CNTN5: variants seen among roughly 807,000 people sequenced by gnomAD.
CNTN5 encodes contactin-5.
Under a neutral mutation model 129.1 loss-of-function variants are expected in CNTN5, and 77 were observed. That is an observed-to-expected ratio of 0.60 (90% CI 0.50 to 0.72). CNTN5 has a LOEUF of 0.72. Ranked by LOEUF, CNTN5 falls within the 30% of genes least tolerant of loss-of-function variation. The probability of loss-of-function intolerance (pLI) is 0.00; values close to 1 mark genes in which losing one functional copy is unlikely to be tolerated. For missense variants in CNTN5, 1,478 were observed against 1,328.8 expected (o/e 1.11, Z -1.75); for synonymous variants, 509 against 465.6 (o/e 1.09, Z -1.20).
chr11:99,569,891 G>T (rs200777883), intron 3 of CNTN5, among the ~76,000 whole-genome samples: 3 of 151,556 alleles, frequency 2.0e-5, no homozygotes, highest in East Asian at 1.9e-4. Context: ...GATTTCTTTG[G>T]GCATTTGGAA....
Position 99,696,625 on chromosome 11 carries a change from CT to C in CNTN5, c.56-122907del, listed in dbSNP as rs530528826. Among the ~76,000 whole-genome samples, 666 of 141,392 alleles carry C rather than the reference CT, an allele frequency of 4.7e-3. 5 individuals carry two copies. The highest frequency in any genetic ancestry group is 0.011 in the African/African-American group (427 of 39,072). The allele number at this position is 141,392 out of a possible 152,430, so 92.8% of individuals were successfully genotyped here. A position where few individuals can be genotyped will look rare whatever the true frequency, so the allele number is the denominator to read the frequency against. Reference sequence around the variant, plus strand: ...AGTACAAGTACCATCAGTAGTCATTCTTTTTTTTTTTTAACTTTTTACTAAA... The same window carrying C: ...AGTACAAGTACCATCAGTAGTCATTCTTTTTTTTTTTAACTTTTTACTAAA... On this transcript the variant is annotated intron_variant, in intron 3 of 24. Transcript: ENST00000524871.
intron 3 of CNTN5, among the ~76,000 whole-genome samples, chr11:99,583,523 G>T (rs2135631152): frequency 6.6e-6 from 1 of 152,336 alleles, no homozygotes; most frequent in Admixed American, 6.5e-5. Flanking sequence ...CCTGAGCAAT[G>T]GTGGGTGCCC....
intron 3 of CNTN5, among the ~76,000 whole-genome samples, chr11:99,777,073 T>G (rs939379813): frequency 2.0e-5 from 3 of 151,880 alleles, no homozygotes; most frequent in African/African-American, 7.2e-5. Flanking sequence ...ATATTCTACT[T>G]CCCAAGTAGC....
At chr11:99,670,694 C>A (rs1591453963) in intron 3 of CNTN5, among the ~76,000 whole-genome samples, 1 of 152,234 alleles carries the variant, frequency 6.6e-6, no homozygotes, top group East Asian at 1.9e-4. Flanking sequence ...ATACTTTATT[C>A]TGAAGATCTG....
chr11:99,255,151 T>C (rs887911201), intron 1 of CNTN5, among the ~76,000 whole-genome samples: 3 of 151,908 alleles, frequency 2.0e-5, no homozygotes, highest in African/African-American at 7.2e-5. Context: ...ATTACTTGAA[T>C]AGAATAGAAC....
chr11:99,427,765 C>CA (rs36085825), intron 2 of CNTN5, among the ~76,000 whole-genome samples: 603 of 31,990 alleles, frequency 0.019, 17 homozygotes, highest in East Asian at 0.065. Context: ...GACTCAGTCT[C>CA]AAAAAAAAAA....
chr11:99,137,537 C>A (rs1323510102), intron 1 of CNTN5, among the ~76,000 whole-genome samples: 3 of 152,050 alleles, frequency 2.0e-5, no homozygotes, highest in African/African-American at 4.8e-5. Context: ...GAAGACCCAA[C>A]AGCAATATTG....
chr11:99,499,412 G>T (rs1456912000), intron 2 of CNTN5, among the ~76,000 whole-genome samples: 1 of 152,070 alleles, frequency 6.6e-6, no homozygotes, highest in Non-Finnish European at 1.5e-5. Flanking sequence ...TCAGTCTCTT[G>T]CCCTTCTGCC....
At chr11:100,333,431 A>AC (rs2090154152) in intron 21 of CNTN5, among the ~76,000 whole-genome samples, 1 of 142,568 alleles carries the variant, frequency 7.0e-6, no homozygotes, top group South Asian at 2.3e-4. Context: ...AAAAAAAAAA[A>AC]ACACCTAAAA....
intron 6 of CNTN5, among the ~76,000 whole-genome samples, chr11:99,877,154 C>A (rs143725156): frequency 6.6e-6 from 1 of 152,008 alleles, no homozygotes; most frequent in Admixed American, 6.5e-5. Context: ...TGGAAATTAA[C>A]TTTAAAAGTG....
chr11:99,964,111 C>A (rs949114540), intron 8 of CNTN5, among the ~76,000 whole-genome samples: 3 of 152,130 alleles, frequency 2.0e-5, no homozygotes, highest in Admixed American at 1.3e-4. Flanking sequence ...CAAACAGGGA[C>A]AATTTGACAA....
intron 2 of CNTN5, among the ~76,000 whole-genome samples, chr11:99,524,815 A>C (rs1591216120): frequency 6.6e-6 from 1 of 152,114 alleles, no homozygotes; most frequent in South Asian, 2.1e-4. Flanking sequence ...AAAAAAACAA[A>C]AAAAAAGTGT....
At chr11:99,143,498 A>G (rs1362071678) in intron 1 of CNTN5, among the ~76,000 whole-genome samples, 1 of 150,126 alleles carries the variant, frequency 6.7e-6, no homozygotes, top group Non-Finnish European at 1.5e-5. Context: ...TATTTTTTGT[A>G]TATGACAATG....
chr11:99,567,305 T>C (rs1949037511), intron 3 of CNTN5, among the ~76,000 whole-genome samples: 2 of 152,214 alleles, frequency 1.3e-5, no homozygotes, highest in Non-Finnish European at 2.9e-5. Flanking sequence ...TTTTTTCTTC[T>C]GAATCACTTT....
At chr11:100,288,086 A>G (rs1227424785) in intron 18 of CNTN5, among the ~76,000 whole-genome samples, 1 of 152,152 alleles carries the variant, frequency 6.6e-6, no homozygotes, top group Non-Finnish European at 1.5e-5. Flanking sequence ...CACCCAATAC[A>G]GGAGCACCCA....
chr11:99,930,864 T>A (rs1462854191), intron 7 of CNTN5, among the ~76,000 whole-genome samples: 2 of 152,044 alleles, frequency 1.3e-5, no homozygotes, highest in Admixed American at 6.5e-5. Flanking sequence ...CTTAAGTGTC[T>A]ATTTTAGCAG....
chr11:99,348,212 G>C (rs529582196), intron 2 of CNTN5, among the ~76,000 whole-genome samples: 1 of 152,190 alleles, frequency 6.6e-6, no homozygotes, highest in South Asian at 2.1e-4. Context: ...GGTGGCAGGC[G>C]CCTGTAGTTC....
chr11:99,211,106 T>A (rs781726366), intron 1 of CNTN5, among the ~76,000 whole-genome samples: 25 of 152,084 alleles, frequency 1.6e-4, no homozygotes, highest in Non-Finnish European at 3.2e-4. Context: ...ATTGGGCAGG[T>A]TCTTTTTCTT....
At chr11:99,756,219 C>A (rs993851016) in intron 3 of CNTN5, among the ~76,000 whole-genome samples, 4 of 152,014 alleles carry the variant, frequency 2.6e-5, no homozygotes, top group Non-Finnish European at 5.9e-5. Flanking sequence ...CTAAGAACAG[C>A]AGAATAGACC....
Sources: allele counts gnomAD v4.1 joint callset (sites outside exome capture counted in the v4.1 genomes callset), GRCh38; gene constraint gnomAD v4.1.1; transcripts MANE v1.5; gene names NCBI Gene and HGNC (gene_info 2026-07-23, HGNC 2026-07-21).